HEATR5B: variants seen among roughly 807,000 people sequenced by gnomAD.
HEATR5B encodes HEAT repeat-containing protein 5B.
HEATR5B carries 156 observed loss-of-function variants against 224.1 expected under a neutral mutation model. That is an observed-to-expected ratio of 0.70 (90% CI 0.61 to 0.80). HEATR5B has a LOEUF of 0.80. HEATR5B is among the 30% of genes least tolerant of loss of function. The pLI is 0.00. For missense variants in HEATR5B, 2,323 were observed against 2,535.5 expected (o/e 0.92, Z 1.80); for synonymous variants, 1,027 against 893.0 (o/e 1.15, Z -2.68).
At position 37,057,464 on chromosome 2, in the gene HEATR5B, A is replaced by G; in HGVS notation, c.2076T>C (p.Leu692=). ...PKTYEGSFNA[L]LRELVAEFTL... ...TGAATTCCGCTACCAGTTCTCTAAGAAGTGCATTAAAAGATCCTAAAAAAC... is the reference window on the plus strand; with the variant it reads ...TGAATTCCGCTACCAGTTCTCTAAGGAGTGCATTAAAAGATCCTAAAAAAC... Residue 692 remains leucine, a synonymous_variant, in exon 15 of 36, where the codon CTT becomes CTC. Transcript: ENST00000233099. 1 of 1,605,446 alleles carries G rather than the reference A, an allele frequency of 6.2e-7. No individual in the cohort carries two copies. The highest frequency in any genetic ancestry group is 8.5e-7 in the Non-Finnish European group (1 of 1,177,110).
At chr2:37,003,064 G>C (rs1311429696) in intron 31 of HEATR5B, among the ~76,000 whole-genome samples, 2 of 151,848 alleles carry the variant, frequency 1.3e-5, no homozygotes, top group African/African-American at 4.8e-5. Flanking sequence ...TTCGAGACCA[G>C]CCTAACATGG....
chr2:37,050,464 T>C (rs1407495093), intron 17 of HEATR5B, among the ~76,000 whole-genome samples: 5 of 152,216 alleles, frequency 3.3e-5, no homozygotes, highest in East Asian at 1.9e-4. Flanking sequence ...GACACTGTAT[T>C]ACTAAATCAA....
At chr2:37,022,948 T>C (rs1349586711) in intron 24 of HEATR5B, among the ~76,000 whole-genome samples, 1 of 152,038 alleles carries the variant, frequency 6.6e-6, no homozygotes, top group African/African-American at 2.4e-5. Context: ...TAGGGAAATA[T>C]GTCTCACAAC....
intron 33 of HEATR5B, among the ~76,000 whole-genome samples, chr2:36,992,854 A>T (rs1302444241): frequency 6.6e-6 from 1 of 151,556 alleles, no homozygotes; most frequent in Admixed American, 6.6e-5. Flanking sequence ...CCGCCCGAGG[A>T]GGTGGGACTA....
At position 37,079,209 on chromosome 2, in the gene HEATR5B, C is replaced by T. The variant is rs1672406566; in HGVS notation, c.249G>A (p.Gly83=). ...AKNLAALYSI[G]DTFTVFQTLD... is the part of the protein sequence containing the mutation. ...GTGTCTGAAAAACTGTGAAAGTATC[C>T]CCAATGCTATAAAGGGCTGCGAGAT... is the stretch of plus-strand genomic sequence containing the variant. The change falls in exon 3 of 36, where the codon GGG becomes GGA. Residue 83 remains glycine, a synonymous_variant. Coordinates refer to ENST00000233099, the MANE Select transcript of HEATR5B (RefSeq NM_019024.3). 3.1e-6 allele frequency: 5 copies of T among 1,606,994 alleles called. No individual in the cohort carries two copies. The highest frequency in any genetic ancestry group is 2.2e-5 in the East Asian group (1 of 44,810).
At chr2:37,003,773 TA>T in intron 30 of HEATR5B, 87 bp from the exon 31 acceptor site, 3 of 903,940 alleles carry the variant, frequency 3.3e-6, no homozygotes, top group East Asian at 3.1e-5. Flanking sequence ...AATACCTATG[TA>T]AAAAAAGAAA....
chr2:37,076,628 C>A, intron 4 of HEATR5B, among the ~76,000 whole-genome samples: 1 of 140,338 alleles, frequency 7.1e-6, no homozygotes, highest in South Asian at 2.5e-4. Flanking sequence ...AGGAAATTAA[C>A]ACATTAGCTA....
At chr2:37,068,330 T>C (rs1671708542) in intron 8 of HEATR5B, among the ~76,000 whole-genome samples, 1 of 152,004 alleles carries the variant, frequency 6.6e-6, no homozygotes, top group South Asian at 2.1e-4. Flanking sequence ...AAAGAAACAA[T>C]AAAAATATAT....
intron 27 of HEATR5B, among the ~76,000 whole-genome samples, chr2:37,012,422 C>T (rs1440546887): frequency 6.6e-6 from 1 of 151,902 alleles, no homozygotes; most frequent in Non-Finnish European, 1.5e-5. Context: ...AAGAGTCTCG[C>T]TCTTGTTGCC....
intron 24 of HEATR5B, among the ~76,000 whole-genome samples, chr2:37,026,294 G>A (rs969922487): frequency 6.6e-6 from 1 of 152,170 alleles, no homozygotes; most frequent in African/African-American, 2.4e-5. Flanking sequence ...CCCTGCTGAT[G>A]CCTTGATGTT....
chr2:37,037,531 T>A (rs915693661), intron 21 of HEATR5B, among the ~76,000 whole-genome samples: 2 of 152,078 alleles, frequency 1.3e-5, no homozygotes, highest in Non-Finnish European at 2.9e-5. Context: ...ATAAAATGAA[T>A]TGTCATAAAA....
intron 11 of HEATR5B, among the ~76,000 whole-genome samples, chr2:37,061,525 T>C (rs1190122983): frequency 2.0e-5 from 3 of 152,220 alleles, no homozygotes; most frequent in Non-Finnish European, 2.9e-5. Flanking sequence ...TGCAGATTTG[T>C]CACACTACTT....
intron 17 of HEATR5B, among the ~76,000 whole-genome samples, chr2:37,051,271 G>A (rs904331386): frequency 2.5e-4 from 35 of 140,492 alleles, no homozygotes; most frequent in African/African-American, 7.6e-4. Context: ...CAGGAGAATC[G>A]CTTGAACCTG....
Position 37,065,893 on chromosome 2 carries a change from T to A in HEATR5B, c.1195A>T (p.Thr399Ser). Residue 399 changes from threonine to serine, a missense_variant, in exon 9 of 36, where the codon ACA becomes TCA. This residue lies in a region of HEATR5B where 502 missense variants were observed against 517.8 expected (regional missense o/e 0.97). Coordinates refer to ENST00000233099, the MANE Select transcript of HEATR5B (RefSeq NM_019024.3). ...MKAVEAVVNDTSGENKSGAAD... is the reference protein window; with the variant it reads ...MKAVEAVVNDSSGENKSGAAD... ...GCGCCAGATTTGTTTTCTCCACTTG[T>A]GTCATTCACTACTGCTTCTGGAAAC... is the stretch of plus-strand genomic sequence containing the variant. 6.2e-7 allele frequency: 1 copy of A among 1,610,858 alleles called. No homozygotes were observed. The highest frequency in any genetic ancestry group is 8.5e-7 in the Non-Finnish European group (1 of 1,177,368).
rs867292377 is a variant in HEATR5B, at chr2:37,072,175, C to T, written c.704G>A (p.Arg235Gln). ...KALENSNYGVRVAVSKLLGTV... is the reference protein window; with the variant it reads ...KALENSNYGVQVAVSKLLGTV... ...TCCTAAAAGTTTAGACACTGCCACTCGTACCCCATAATTTGAGTTTTCCAA... is the reference window on the plus strand; with the variant it reads ...TCCTAAAAGTTTAGACACTGCCACTTGTACCCCATAATTTGAGTTTTCCAA... Residue 235 changes from arginine to glutamine, a missense_variant, in exon 6 of 36, where the codon CGA becomes CAA. This residue lies in a region of HEATR5B where 292 missense variants were observed against 332.6 expected (regional missense o/e 0.88). Transcript: ENST00000233099. 1 of 1,613,968 alleles carries T rather than the reference C, an allele frequency of 6.2e-7. No individual in the cohort carries two copies. The highest frequency in any genetic ancestry group is 1.7e-5 in the Admixed American group (1 of 60,024).
intron 16 of HEATR5B, among the ~76,000 whole-genome samples, chr2:37,056,092 T>G (rs1352668022): frequency 6.6e-6 from 1 of 152,174 alleles, no homozygotes; most frequent in African/African-American, 2.4e-5. Context: ...AGTCAAAACC[T>G]ATGTATGAAC....
intron 33 of HEATR5B, among the ~76,000 whole-genome samples, chr2:36,999,114 G>A (rs1192293905): frequency 6.6e-6 from 1 of 152,048 alleles, no homozygotes; most frequent in Non-Finnish European, 1.5e-5. Context: ...TCAGGAGGCT[G>A]AGGCAGGAGA....
chr2:36,996,428 C>CTT (rs776769943), intron 33 of HEATR5B, among the ~76,000 whole-genome samples: 1 of 138,716 alleles, frequency 7.2e-6, no homozygotes, highest in Non-Finnish European at 1.6e-5. Context: ...TCTTTTCTTT[C>CTT]TTTTTTTTTT....
At chr2:36,984,215 A>AAAAAAAAAAAAAAAAAAATAT in intron 35 of HEATR5B, among the ~76,000 whole-genome samples, 2 of 77,644 alleles carry the variant, frequency 2.6e-5, no homozygotes, top group African/African-American at 1.2e-4. Context: ...AAAAAAAAAA[A>AAAAAAAAAAAAAAAAAAATAT]ATATATATAT....
Sources: allele counts gnomAD v4.1 joint callset (sites outside exome capture counted in the v4.1 genomes callset), GRCh38; gene constraint gnomAD v4.1.1; regional missense constraint gnomAD v4.1.1; transcripts MANE v1.5; gene names NCBI Gene and HGNC (gene_info 2026-07-23, HGNC 2026-07-21).